The following MTMR14 variants were observed in gnomAD, a reference collection of about 807,000 sequenced individuals.
MTMR14 encodes the protein phosphatidylinositol-3,5-bisphosphate 3-phosphatase MTMR14.
Under a neutral mutation model 86.3 loss-of-function variants are expected in MTMR14, and 48 were observed. The ratio of observed to expected loss-of-function variants is 0.56; its 90% CI spans 0.44 to 0.71. MTMR14 has a LOEUF of 0.71. Among genes scored for constraint, MTMR14 ranks in the 30% least tolerant of loss-of-function variants. The pLI is 0.00. For synonymous variants in MTMR14, 366 were observed against 326.1 expected, an observed-to-expected ratio of 1.12 and a Z score of -1.32; for missense variants, 780 against 834.6, an observed-to-expected ratio of 0.93 and a Z score of 0.81.
chr3:9,662,669 A>G (rs2048008648), intron 3 of MTMR14, among the ~76,000 whole-genome samples: 1 of 152,194 alleles, frequency 6.6e-6, no homozygotes, highest in South Asian at 2.1e-4. Flanking sequence ...CCTCTCCTAT[A>G]AATTAAGAAT....
chr3:9,649,521 G>A lies in MTMR14; in HGVS notation c.-63G>A. 1 of 1,492,140 alleles carries A rather than the reference G, an allele frequency of 6.7e-7. No homozygotes were observed. Among genetic ancestry groups the A allele is most frequent in the Non-Finnish European group, 8.9e-7 (1 of 1,124,096 alleles). The allele number at this position is 1,492,140 out of a possible 1,614,324, so 92.4% of individuals were successfully genotyped here. A position where few individuals can be genotyped will look rare whatever the true frequency, so the allele number is the denominator to read the frequency against. On this transcript the variant is annotated 5_prime_UTR_variant, in exon 1 of 19. Coordinates refer to ENST00000296003, the MANE Select transcript of MTMR14 (RefSeq NM_001077525.3). ...CGGTTCCGGAGGTTCTAGTGTCGGA[G>A]TTGGGTGCAGGCAGGTGCCATGGGC...
chr3:9,687,793 T>C (rs751865023), intron 13 of MTMR14, 28 bp from the exon 14 acceptor site: 1 of 1,554,706 alleles, frequency 6.4e-7, no homozygotes, highest in Admixed American at 1.9e-5. Flanking sequence ...GTTCTTCTCA[T>C]TGTGCGCTGC....
intron 3 of MTMR14, among the ~76,000 whole-genome samples, chr3:9,666,038 A>G (rs982668441): frequency 1.3e-4 from 20 of 151,086 alleles, no homozygotes; most frequent in African/African-American, 4.9e-4. Context: ...ATTTCAACTT[A>G]ATTTTTAAGG....
At chr3:9,695,337 C>T (rs1457972820) in intron 17 of MTMR14, among the ~76,000 whole-genome samples, 1 of 152,164 alleles carries the variant, frequency 6.6e-6, no homozygotes, top group Non-Finnish European at 1.5e-5. Flanking sequence ...CTTCCTTTGA[C>T]AAAGGCCTCA....
At position 9,697,824 on chromosome 3, in the gene MTMR14, C is replaced by T. The variant is rs781522809; in HGVS notation, c.1727C>T (p.Ser576Phe). ...QERAVLHTDS[S>F]LPFSFPDELP... ...CGGGCTGTCCTGCACACAGACTCCT[C>T]TCTCCCTTTCAGCTTCCCGGATGAG... Residue 576 changes from serine to phenylalanine, a missense_variant, in exon 18 of 19, where the codon TCT becomes TTT. Coordinates refer to ENST00000296003, the MANE Select transcript of MTMR14 (RefSeq NM_001077525.3). 1.9e-6 allele frequency: 3 copies of T among 1,614,230 alleles called. No homozygotes were observed. The highest frequency in any genetic ancestry group is 2.5e-6 in the Non-Finnish European group (3 of 1,180,050).
chr3:9,683,054 A>G (rs995399827), intron 9 of MTMR14, 124 bp from the exon 10 acceptor site: 22 of 812,018 alleles, frequency 2.7e-5, no homozygotes, highest in African/African-American at 5.2e-5. Context: ...TTCAAAACCT[A>G]TGGTCTGTAA....
chr3:9,684,108 G>A (rs1322472574), intron 10 of MTMR14, among the ~76,000 whole-genome samples: 2 of 152,192 alleles, frequency 1.3e-5, no homozygotes, highest in Admixed American at 6.5e-5. Context: ...TTCTGGAAAC[G>A]TGTGTCTGGC....
At chr3:9,663,519 T>TTTTTA (rs1195032610) in intron 3 of MTMR14, among the ~76,000 whole-genome samples, 1 of 136,008 alleles carries the variant, frequency 7.4e-6, no homozygotes, top group Admixed American at 7.4e-5. Flanking sequence ...TTTTTTTTTT[T>TTTTTA]TTTTTTTTGA....
chr3:9,690,449 G>A (rs544694573), intron 17 of MTMR14, among the ~76,000 whole-genome samples: 1 of 152,356 alleles, frequency 6.6e-6, no homozygotes, highest in East Asian at 1.9e-4. Context: ...CAGCCTCCTA[G>A]GCGCACCTCC....
Position 9,690,109 on chromosome 3 carries a change from A to G in MTMR14, c.1579A>G (p.Met527Val). The part of the protein sequence containing the change: ...SSNHSDNFFR[M>V]GSSPLEVPKP... ...AAACCATTCTGATAACTTTTTCAGG[A>G]TGGGTAGCAGTCCCCTGGAGGTCCC... is the stretch of plus-strand genomic sequence containing the variant. The change falls in exon 17 of 19, where the codon ATG (methionine) becomes GTG (valine). Residue 527 changes from methionine (M) to valine (V), a missense_variant. Met to Val is a conservative substitution (Grantham distance 21, BLOSUM62 1). Transcript: ENST00000296003. 1 of 1,613,768 alleles carries G rather than the reference A, an allele frequency of 6.2e-7. No homozygotes were observed. Among genetic ancestry groups the G allele is most frequent in the Non-Finnish European group, 8.5e-7 (1 of 1,180,022 alleles).
intron 17 of MTMR14, among the ~76,000 whole-genome samples, chr3:9,691,832 G>A (rs925189147): frequency 2.0e-5 from 3 of 152,272 alleles, no homozygotes; most frequent in Admixed American, 6.5e-5. Context: ...TGGGGGCTTG[G>A]CCAAGCTTGG....
intron 13 of MTMR14, among the ~76,000 whole-genome samples, chr3:9,685,457 G>A (rs2075911006): frequency 6.6e-6 from 1 of 152,304 alleles, no homozygotes; most frequent in Non-Finnish European, 1.5e-5. Flanking sequence ...GTGCTGTGGA[G>A]AGGATACAAG....
At chr3:9,680,210 G>T (rs952816965) in intron 9 of MTMR14, among the ~76,000 whole-genome samples, 1 of 152,130 alleles carries the variant, frequency 6.6e-6, no homozygotes, top group Admixed American at 6.5e-5. Flanking sequence ...CGAGTTCTTT[G>T]CTCCCACCAC....
intron 3 of MTMR14, among the ~76,000 whole-genome samples, chr3:9,663,638 C>T (rs909354194): frequency 1.3e-5 from 2 of 151,022 alleles, no homozygotes; most frequent in African/African-American, 2.4e-5. Context: ...CTTAGCCTCC[C>T]GAGTAGCTGG....
chr3:9,669,632 G>T, intron 5 of MTMR14, 140 bp downstream of exon 5: 1 of 845,610 alleles, frequency 1.2e-6, no homozygotes, highest in East Asian at 3.0e-5. Flanking sequence ...TGTCTGCCAA[G>T]TCTGTGCCCC....
rs760033162 is a variant in MTMR14 at position 9,649,598 on chromosome 3, GGCCGCC to G, written c.24_29del (p.Ala10_Ala11del). On this transcript the variant is annotated inframe_deletion, in exon 1 of 19. Transcript: ENST00000296003. ...GGGGCTGGGCCATGGCCGGCGCTCG[GGCCGCC>G]GCCGCCGCTGCCTCGGCGGGGTCCT... 1 of 1,546,124 alleles carries G rather than the reference GGCCGCC, an allele frequency of 6.5e-7. No homozygotes were observed. The highest frequency in any genetic ancestry group is 8.7e-7 in the Non-Finnish European group (1 of 1,145,660).
intron 17 of MTMR14, among the ~76,000 whole-genome samples, chr3:9,691,282 TGTGGTGGAA>T (rs1013202379): frequency 6.6e-6 from 1 of 151,630 alleles, no homozygotes; most frequent in African/African-American, 2.4e-5. Context: ...CCATGGGAGG[TGTGGTGGAA>T]GTGGTGGGGC....
intron 4 of MTMR14, 95 bp downstream of exon 4, chr3:9,668,889 C>T: frequency 1.1e-5 from 14 of 1,323,260 alleles, no homozygotes; most frequent in Non-Finnish European, 1.5e-5. Flanking sequence ...CCTGTAATCT[C>T]AACACTTTGG....
At position 9,701,581 on chromosome 3, in the gene MTMR14, TA is replaced by T; in HGVS notation, c.1770-208del. On this transcript the variant is annotated intron_variant, in intron 18 of 18. Coordinates refer to ENST00000296003, the MANE Select transcript of MTMR14 (RefSeq NM_001077525.3). This position sits in a 1 kb window ranked among gnomAD's most constrained non-coding sequence, Gnocchi z 4.2. The stretch of plus-strand genomic sequence containing the variant: ...AAGCTCCTGCTCTAGGTGGGAACAG[TA>T]GCCTGAGGGCTTAGAGGAATGGTTT... 1.6e-6 allele frequency: 1 copy of T among 634,510 alleles called. No homozygotes were observed. The highest frequency in any genetic ancestry group is 1.8e-5 in the South Asian group (1 of 54,222). The allele number at this position is 634,510 out of a possible 1,614,324, so 39.3% of individuals were successfully genotyped here.
Sources: allele counts gnomAD v4.1 joint callset (sites outside exome capture counted in the v4.1 genomes callset), GRCh38; gene constraint gnomAD v4.1.1; non-coding constraint Gnocchi (gnomAD v3.1); transcripts MANE v1.5; gene names NCBI Gene and HGNC (gene_info 2026-07-23, HGNC 2026-07-21).